SCHIP1: variants seen among roughly 807,000 people sequenced by gnomAD.
SCHIP1 encodes schwannomin interacting protein 1.
In SCHIP1, 8 loss-of-function variants were observed where a neutral mutation model predicts 29.7. That is an observed-to-expected ratio of 0.27 (90% CI 0.16 to 0.49). SCHIP1 has a LOEUF of 0.49. SCHIP1 is among the 20% of genes least tolerant of loss of function. The probability of loss-of-function intolerance (pLI) is 0.99; values close to 1 mark genes in which losing one functional copy is unlikely to be tolerated. For missense variants in SCHIP1, 193 were observed against 294.6 expected (o/e 0.66, Z 2.52); for synonymous variants, 76 against 94.9 (o/e 0.80, Z 1.16).
At chr3:159,352,507 C>T in the SCHIP1 span, among the ~76,000 whole-genome samples, 1 of 152,172 alleles carries the variant, frequency 6.6e-6, no homozygotes, top group African/African-American at 2.4e-5. Flanking sequence ...AACCAGGAAA[C>T]TGACAGCAGT....
chr3:159,278,572 T>G, the SCHIP1 span, among the ~76,000 whole-genome samples: 2 of 152,212 alleles, frequency 1.3e-5, no homozygotes, highest in Non-Finnish European at 2.9e-5. Context: ...GCCTGTATCC[T>G]TTCAATCTGT....
At chr3:159,645,352 C>A in the SCHIP1 span, among the ~76,000 whole-genome samples, 1 of 152,044 alleles carries the variant, frequency 6.6e-6, no homozygotes, top group Admixed American at 6.6e-5. Flanking sequence ...AGCCAACTAG[C>A]CAAAAAGTGC....
At chr3:159,580,202 CATCT>C in the SCHIP1 span, among the ~76,000 whole-genome samples, 4 of 152,208 alleles carry the variant, frequency 2.6e-5, no homozygotes, top group South Asian at 8.3e-4. Context: ...TTCATCCATC[CATCT>C]ATTAAATATC....
the SCHIP1 span, among the ~76,000 whole-genome samples, chr3:159,440,137 T>G: frequency 6.6e-6 from 1 of 152,170 alleles, no homozygotes; most frequent in Admixed American, 6.6e-5. Flanking sequence ...TAGTTCTCCC[T>G]GCACCATTTA....
the SCHIP1 span, among the ~76,000 whole-genome samples, chr3:159,779,030 T>C: frequency 6.6e-6 from 1 of 152,316 alleles, no homozygotes; most frequent in East Asian, 1.9e-4. Context: ...AGGAAACAAC[T>C]TTTCAGCTTG....
At chr3:159,696,689 T>A in the SCHIP1 span, among the ~76,000 whole-genome samples, 1 of 152,158 alleles carries the variant, frequency 6.6e-6, no homozygotes, top group Non-Finnish European at 1.5e-5. Flanking sequence ...TGATGGATCA[T>A]AGGTGGTAAA....
At chr3:159,768,151 C>A in the SCHIP1 span, among the ~76,000 whole-genome samples, 20 of 152,226 alleles carry the variant, frequency 1.3e-4, no homozygotes, top group Admixed American at 9.2e-4. Context: ...TCCCCGCCCC[C>A]TTTTTTAATG....
chr3:159,398,455 A>AT, the SCHIP1 span, among the ~76,000 whole-genome samples: 1 of 152,182 alleles, frequency 6.6e-6, no homozygotes, highest in African/African-American at 2.4e-5. Context: ...TCATGGAGGG[A>AT]TTTTAATTTA....
chr3:159,703,021 T>C, the SCHIP1 span, among the ~76,000 whole-genome samples: 1 of 152,242 alleles, frequency 6.6e-6, no homozygotes, highest in African/African-American at 2.4e-5. Flanking sequence ...CATACATTTA[T>C]TCTTTATCTA....
chr3:159,333,656 G>T, the SCHIP1 span, among the ~76,000 whole-genome samples: 4 of 152,096 alleles, frequency 2.6e-5, no homozygotes, highest in African/African-American at 9.7e-5. Flanking sequence ...CTACACATAT[G>T]GGCCTTCTTA....
At chr3:159,502,271 G>A in the SCHIP1 span, among the ~76,000 whole-genome samples, 38 of 152,232 alleles carry the variant, frequency 2.5e-4, no homozygotes, top group South Asian at 7.3e-3. Flanking sequence ...TAGTTTGATC[G>A]TAATGTATTG....
At chr3:159,494,673 G>A in the SCHIP1 span, among the ~76,000 whole-genome samples, 1 of 152,108 alleles carries the variant, frequency 6.6e-6, no homozygotes, top group East Asian at 1.9e-4. Context: ...TCTATCAGAG[G>A]TACAAGGAGG....
At chr3:159,516,997 A>G in the SCHIP1 span, among the ~76,000 whole-genome samples, 1 of 152,190 alleles carries the variant, frequency 6.6e-6, no homozygotes, top group Non-Finnish European at 1.5e-5. Context: ...ACTGAGCTTT[A>G]CGAATATGTA....
the SCHIP1 span, among the ~76,000 whole-genome samples, chr3:159,706,325 T>G: frequency 6.6e-5 from 10 of 152,318 alleles, no homozygotes; most frequent in African/African-American, 2.2e-4. Context: ...ATGAGAATTT[T>G]TGGCTTCCAG....
chr3:159,513,038 A>C, the SCHIP1 span, among the ~76,000 whole-genome samples: 5 of 152,226 alleles, frequency 3.3e-5, no homozygotes, highest in Admixed American at 3.3e-4. Context: ...AACTCTCAAA[A>C]ATATATTATT....
chr3:159,875,401 G>A (rs1455424146), intron 2 of SCHIP1, among the ~76,000 whole-genome samples: 2 of 152,130 alleles, frequency 1.3e-5, no homozygotes, highest in African/African-American at 4.8e-5. Context: ...TCAATTGCCT[G>A]AGCTATTGCA....
the SCHIP1 span, among the ~76,000 whole-genome samples, chr3:159,523,678 T>G: frequency 2.0e-5 from 3 of 152,188 alleles, no homozygotes; most frequent in Non-Finnish European, 4.4e-5. Flanking sequence ...CATCTATCCA[T>G]CCCGTCATCC....
At chr3:159,689,713 A>C in the SCHIP1 span, among the ~76,000 whole-genome samples, 1 of 152,202 alleles carries the variant, frequency 6.6e-6, no homozygotes, top group Non-Finnish European at 1.5e-5. Flanking sequence ...TTGCCCATTC[A>C]GTATGATATT....
chr3:159,817,693 T>G, the SCHIP1 span, among the ~76,000 whole-genome samples: 1 of 152,204 alleles, frequency 6.6e-6, no homozygotes, highest in Admixed American at 6.5e-5. Flanking sequence ...GAGTTTTTGT[T>G]TTGTTTTGTT....
Sources: gnomAD v4.1 joint callset for allele counts (sites outside exome capture counted in the v4.1 genomes callset) on GRCh38, gnomAD v4.1.1 for gene constraint, MANE v1.5 for transcripts, NCBI Gene and HGNC (gene_info 2026-07-23, HGNC 2026-07-21) for gene names.